Variants in ADD1 observed in about 807,000 individuals in gnomAD.
The protein encoded by ADD1 is alpha-adducin.
Under a neutral mutation model 80.5 loss-of-function variants are expected in ADD1, and 24 were observed. The observed-to-expected ratio is 0.30, with a 90% CI of 0.22 to 0.42. The LOEUF (loss-of-function observed/expected upper bound fraction) is 0.42. Ranked by LOEUF, ADD1 falls within the 10% of genes least tolerant of loss-of-function variation. The probability of loss-of-function intolerance (pLI) is 1.00; values close to 1 mark genes in which losing one functional copy is unlikely to be tolerated. For synonymous variants in ADD1, 373 were observed against 393.8 expected (o/e 0.95, Z 0.63); for missense variants, 948 against 1,019.0 (o/e 0.93, Z 0.95).
intron 4 of ADD1, among the ~76,000 whole-genome samples, chr4:2,889,117 A>G (rs1371392037): frequency 6.6e-6 from 1 of 152,180 alleles, no homozygotes; most frequent in Non-Finnish European, 1.5e-5. Flanking sequence ...CAAACTTAAT[A>G]TAAAGTGGTA....
rs778004016 is a variant in ADD1, at chr4:2,926,886, G to C, written c.2047+774G>C. On this transcript the variant is annotated intron_variant, in intron 15 of 15. Transcript: ENST00000683351. The surrounding 1 kb of genome is among the most constrained non-coding windows in gnomAD (Gnocchi z 5.0). The stretch of plus-strand genomic sequence containing the variant: ...CTTCAGCGGCAGCGGGTACCTCCAC[G>C]CACCTAGGTGCCATGGAGCACTCTG... 3.3e-5 allele frequency among the ~76,000 whole-genome samples: 5 copies of C among 152,202 alleles called. No individual in the cohort carries two copies. The highest frequency in any genetic ancestry group is 1.2e-4 in the African/African-American group (5 of 41,440).
intron 14 of ADD1, among the ~76,000 whole-genome samples, chr4:2,916,336 C>T (rs548730711): frequency 2.0e-3 from 301 of 151,950 alleles, no homozygotes; most frequent in African/African-American, 7.0e-3. Flanking sequence ...GCTGGGACTA[C>T]AGGCATGCAC....
intron 1 of ADD1, among the ~76,000 whole-genome samples, chr4:2,848,470 A>T (rs963944233): frequency 3.3e-5 from 5 of 151,952 alleles, no homozygotes; most frequent in African/African-American, 4.8e-5. Context: ...TATTTATTTA[A>T]TTAATTTATT....
chr4:2,858,779 G>A (rs1728434394), intron 1 of ADD1, among the ~76,000 whole-genome samples: 1 of 152,186 alleles, frequency 6.6e-6, no homozygotes, highest in Non-Finnish European at 1.5e-5. Flanking sequence ...TTGAAACCAG[G>A]AGTTTGAGAC....
intron 6 of ADD1, among the ~76,000 whole-genome samples, chr4:2,896,017 A>C (rs1275706004): frequency 1.3e-5 from 2 of 151,652 alleles, no homozygotes; most frequent in African/African-American, 4.8e-5. Flanking sequence ...CCTCCCAAGT[A>C]GCTGGGACTA....
At chr4:2,901,417 G>A (rs114751780) in intron 9 of ADD1, 85 of 152,308 alleles carry the variant, frequency 5.6e-4, no homozygotes, top group African/African-American at 1.9e-3. Flanking sequence ...GGTAGGGAAG[G>A]AAGATAAGGA....
intron 13 of ADD1, among the ~76,000 whole-genome samples, chr4:2,913,240 T>C (rs1738387494): frequency 6.6e-6 from 1 of 152,228 alleles, no homozygotes; most frequent in Non-Finnish European, 1.5e-5. Context: ...CCTTCTCATT[T>C]CATTGGCAGT....
intron 4 of ADD1, among the ~76,000 whole-genome samples, chr4:2,886,479 C>G (rs1440510452): frequency 6.6e-6 from 1 of 152,130 alleles, no homozygotes; most frequent in Non-Finnish European, 1.5e-5. Context: ...GCGGCACGGT[C>G]ACTCTGTGTA....
intron 1 of ADD1, among the ~76,000 whole-genome samples, chr4:2,860,908 G>T (rs1417414471): frequency 1.3e-5 from 2 of 152,188 alleles, no homozygotes; most frequent in Non-Finnish European, 2.9e-5. Context: ...CAGAGTCTGT[G>T]CCCTGATAGT....
chr4:2,852,020 G>C (rs542584080), intron 1 of ADD1, among the ~76,000 whole-genome samples: 6 of 151,986 alleles, frequency 3.9e-5, no homozygotes, highest in Non-Finnish European at 5.9e-5. Context: ...TGTATTTTTA[G>C]TAGAGACGGG....
chr4:2,882,957 GTT>G (rs1732614034), intron 3 of ADD1, among the ~76,000 whole-genome samples: 2 of 152,036 alleles, frequency 1.3e-5, no homozygotes, highest in South Asian at 4.2e-4. Context: ...CACCTCCCAG[GTT>G]CAAGCTGTTC....
intron 14 of ADD1, among the ~76,000 whole-genome samples, chr4:2,919,830 C>T (rs1161359832): frequency 4.6e-5 from 7 of 150,684 alleles, no homozygotes; most frequent in African/African-American, 1.7e-4. Context: ...TTTTTTGTGT[C>T]TCTCTCCTTC....
chr4:2,886,688 G>C (rs1489656681), intron 4 of ADD1, among the ~76,000 whole-genome samples: 1 of 152,152 alleles, frequency 6.6e-6, no homozygotes, highest in African/African-American at 2.4e-5. Context: ...TGAAACCCCC[G>C]GCTGAACTGA....
rs754218185 is a variant in ADD1 at position 2,852,138 on chromosome 4, T to TTTTCTTTCTTTCTTTC, written c.-21+8159_-21+8174dup. Among the ~76,000 whole-genome samples the TTTTCTTTCTTTCTTTC allele has an allele frequency of 1.7e-3, 168 of 97,652 alleles. 4 individuals carry two copies. Among genetic ancestry groups the TTTTCTTTCTTTCTTTC allele is most frequent in the African/African-American group, 4.8e-3 (113 of 23,730 alleles). The allele number at this position is 97,652 out of a possible 152,430, so 64.1% of individuals were successfully genotyped here. A position where few individuals can be genotyped will look rare whatever the true frequency, so the allele number is the denominator to read the frequency against. ...GGCATGAGCCACAGCACCCGGCCTC[T>TTTTCTTTCTTTCTTTC]TTTCTTTCTTTCTTTCTTTCTTTCT... On this transcript the variant is annotated intron_variant, in intron 1 of 15. Transcript: ENST00000683351.
At position 2,848,813 on chromosome 4, in the gene ADD1, A is replaced by G. The variant is rs370219884; in HGVS notation, c.-21+4789A>G. On this transcript the variant is annotated intron_variant, in intron 1 of 15. Coordinates refer to ENST00000683351, the MANE Select transcript of ADD1 (RefSeq NM_001354761.2). ...TTTTACTGTTATAAGCAGTGCTCCA[A>G]TTAATATTACATCTCCATATTGGGC... is the stretch of plus-strand genomic sequence containing the variant. Among the ~76,000 whole-genome samples, 30 of 152,250 alleles carry G rather than the reference A, an allele frequency of 2.0e-4. No individual in the cohort carries two copies. In the East Asian group the frequency reaches 3.7e-3, roughly 19 times the overall value.
chr4:2,907,285 A>C (rs1737223123), intron 10 of ADD1: 1 of 155,562 alleles, frequency 6.4e-6, no homozygotes, highest in Non-Finnish European at 1.4e-5. Flanking sequence ...GGTGATGCCC[A>C]CTCTTGCCTC....
chr4:2,899,339 C>T lies in ADD1; in HGVS notation c.1065C>T (p.Ser355=), dbSNP rs974778588. The change falls in exon 9 of 16, where the codon TCC becomes TCT. Residue 355 remains serine, a synonymous_variant. Transcript: ENST00000683351. ...NPEKYKAKSR[S]PGSPVGEGTG... ...AGAAGTACAAAGCCAAGTCCCGTTC[C>T]CCAGGGTCTCCGGTAGGGGAAGGCA... 1 of 1,614,194 alleles carries T rather than the reference C, an allele frequency of 6.2e-7. No individual in the cohort carries two copies. Among genetic ancestry groups the T allele is most frequent in the African/African-American group, 1.3e-5 (1 of 75,036 alleles).
At chr4:2,878,813 A>G (rs568487783) in intron 2 of ADD1, among the ~76,000 whole-genome samples, 1 of 152,154 alleles carries the variant, frequency 6.6e-6, no homozygotes, top group Admixed American at 6.5e-5. Flanking sequence ...AGATGTTAGC[A>G]AGAAAGGGAT....
chr4:2,852,432 T>C (rs1424788139), intron 1 of ADD1, among the ~76,000 whole-genome samples: 2 of 148,926 alleles, frequency 1.3e-5, no homozygotes, highest in African/African-American at 5.0e-5. Flanking sequence ...GTTCAAGCGA[T>C]TCTTGTGCCC....
Sources: allele counts gnomAD v4.1 joint callset (sites outside exome capture counted in the v4.1 genomes callset), GRCh38; gene constraint gnomAD v4.1.1; non-coding constraint Gnocchi (gnomAD v3.1); transcripts MANE v1.5; gene names NCBI Gene and HGNC (gene_info 2026-07-23, HGNC 2026-07-21).